AUTS2: variants seen among roughly 807,000 people sequenced by gnomAD.
The protein encoded by AUTS2 is autism susceptibility gene 2 protein.
Under a neutral mutation model 112.4 loss-of-function variants are expected in AUTS2, and 17 were observed. The observed-to-expected ratio is 0.15, with a 90% CI of 0.10 to 0.23. AUTS2 has a LOEUF of 0.23. AUTS2 is among the 10% of genes least tolerant of loss of function. AUTS2 has a pLI of 1.00. For synonymous variants in AUTS2, 751 were observed against 702.7 expected (o/e 1.07, Z -1.09); for missense variants, 1,510 against 1,701.6 (o/e 0.89, Z 1.98).
Position 70,681,997 on chromosome 7 carries a change from A to T in AUTS2, c.691-16572A>T, listed in dbSNP as rs1232161071. On this transcript the variant is annotated intron_variant, in intron 5 of 18. Transcript: ENST00000342771. Reference sequence around the variant, plus strand: ...GTCCGTGGCTTTGGGGTTGTTCCCTACCAGTTTTATTGGGCAGGTTGTTAG... The same window carrying T: ...GTCCGTGGCTTTGGGGTTGTTCCCTTCCAGTTTTATTGGGCAGGTTGTTAG... Among the ~76,000 whole-genome samples, 3 of 152,150 alleles carry T rather than the reference A, an allele frequency of 2.0e-5. No individual in the cohort carries two copies. In the East Asian group the frequency reaches 5.8e-4, roughly 29 times the overall value.
chr7:69,827,152 C>A (rs1791285145), intron 1 of AUTS2, among the ~76,000 whole-genome samples: 1 of 152,118 alleles, frequency 6.6e-6, no homozygotes, highest in African/African-American at 2.4e-5. Context: ...TTGAAAAGAG[C>A]CACACCCAGG....
At chr7:69,957,252 A>G (rs1260122855) in intron 2 of AUTS2, among the ~76,000 whole-genome samples, 1 of 152,014 alleles carries the variant, frequency 6.6e-6, no homozygotes, top group African/African-American at 2.4e-5. Context: ...AACAGCAGGA[A>G]AATGACAGAG....
intron 5 of AUTS2, among the ~76,000 whole-genome samples, chr7:70,611,577 C>T (rs562967340): frequency 5.1e-4 from 77 of 152,300 alleles, no homozygotes; most frequent in African/African-American, 1.8e-3. Context: ...CAAACATAAT[C>T]CTAACTAATC....
At chr7:70,331,659 T>G (rs1585026530) in intron 4 of AUTS2, among the ~76,000 whole-genome samples, 1 of 152,130 alleles carries the variant, frequency 6.6e-6, no homozygotes, top group East Asian at 1.9e-4. Context: ...GCAAGGCTGG[T>G]TCAACATATG....
chr7:69,717,862 AC>A (rs1798703486), intron 1 of AUTS2, among the ~76,000 whole-genome samples: 1 of 152,066 alleles, frequency 6.6e-6, no homozygotes, highest in Non-Finnish European at 1.5e-5. Flanking sequence ...GAGTTCATCC[AC>A]CGTTTTACTC....
At chr7:70,610,574 GACCACAGGTGCACGCC>G (rs1470797444) in intron 5 of AUTS2, among the ~76,000 whole-genome samples, 1 of 151,416 alleles carries the variant, frequency 6.6e-6, no homozygotes, top group Admixed American at 6.6e-5. Context: ...TAGCTGGGAT[GACCACAGGTGCACGCC>G]ACTACACCTG....
At chr7:69,686,550 C>T (rs2129173772) in intron 1 of AUTS2, among the ~76,000 whole-genome samples, 1 of 152,168 alleles carries the variant, frequency 6.6e-6, no homozygotes, top group Non-Finnish European at 1.5e-5. Context: ...TAAGCAGTTT[C>T]AAAAAGTTGA....
chr7:69,818,910 T>A (rs1790872586), intron 1 of AUTS2, among the ~76,000 whole-genome samples: 1 of 152,242 alleles, frequency 6.6e-6, no homozygotes, highest in Admixed American at 6.5e-5. Context: ...GGGTTACCAC[T>A]TCAGTGCCTT....
intron 3 of AUTS2, among the ~76,000 whole-genome samples, chr7:70,122,310 C>T (rs1805723511): frequency 6.6e-6 from 1 of 152,082 alleles, no homozygotes; most frequent in Non-Finnish European, 1.5e-5. Flanking sequence ...ATTAATGCCA[C>T]TGAATTACAC....
chr7:69,607,641 A>G (rs1219206804), intron 1 of AUTS2, among the ~76,000 whole-genome samples: 2 of 152,214 alleles, frequency 1.3e-5, no homozygotes, highest in African/African-American at 4.8e-5. Flanking sequence ...GATCAACTAC[A>G]TACAAATATT....
chr7:70,000,793 ATGGCACCAGTTT>A (rs1484530392), intron 2 of AUTS2, among the ~76,000 whole-genome samples: 3 of 152,176 alleles, frequency 2.0e-5, no homozygotes, highest in African/African-American at 7.2e-5. Context: ...AGATTAGCAG[ATGGCACCAGTTT>A]TGGGCCATGG....
At chr7:70,671,781 C>T (rs1202374427) in intron 5 of AUTS2, among the ~76,000 whole-genome samples, 1 of 152,188 alleles carries the variant, frequency 6.6e-6, no homozygotes, top group African/African-American at 2.4e-5. Context: ...TGTCTCTTTG[C>T]GTTGTCAACC....
intron 6 of AUTS2, among the ~76,000 whole-genome samples, chr7:70,760,134 T>A (rs186117027): frequency 6.6e-6 from 1 of 151,720 alleles, no homozygotes; most frequent in South Asian, 2.1e-4. Context: ...GCCTCCCGAG[T>A]AGCTGGGACT....
At chr7:69,802,543 A>G (rs185923369) in intron 1 of AUTS2, among the ~76,000 whole-genome samples, 6 of 152,268 alleles carry the variant, frequency 3.9e-5, no homozygotes, top group Admixed American at 3.9e-4. Context: ...TTAGGTAATG[A>G]AATGTTATCT....
chr7:70,297,538 T>G (rs1788998932), intron 4 of AUTS2, among the ~76,000 whole-genome samples: 1 of 151,424 alleles, frequency 6.6e-6, no homozygotes, highest in Non-Finnish European at 1.5e-5. Context: ...CACGCCATTC[T>G]CCTGCCCCAG....
chr7:70,484,697 G>A (rs1388522882), intron 5 of AUTS2, among the ~76,000 whole-genome samples: 2 of 152,204 alleles, frequency 1.3e-5, no homozygotes, highest in Non-Finnish European at 1.5e-5. Flanking sequence ...CAGTGAGATT[G>A]TAGGTTTAGG....
chr7:70,622,473 C>T (rs1034619796), intron 5 of AUTS2, among the ~76,000 whole-genome samples: 1 of 152,140 alleles, frequency 6.6e-6, no homozygotes, highest in Non-Finnish European at 1.5e-5. Context: ...TACCCAGGCC[C>T]TTGGTTGTCC....
chr7:70,771,751 C>G, intron 11 of AUTS2, 107 bp downstream of exon 11: 1 of 960,200 alleles, frequency 1.0e-6, no homozygotes, highest in Non-Finnish European at 1.6e-6. Flanking sequence ...ACTCATTAAT[C>G]AGGTCCTAAG....
chr7:70,613,239 GTC>G (rs1305465261), intron 5 of AUTS2, among the ~76,000 whole-genome samples: 1 of 108,800 alleles, frequency 9.2e-6, no homozygotes, highest in Non-Finnish European at 1.9e-5. Flanking sequence ...ATGTGTGTGT[GTC>G]TGTGTGTGTG....
Sources: gnomAD v4.1 joint callset for allele counts (sites outside exome capture counted in the v4.1 genomes callset) on GRCh38, gnomAD v4.1.1 for gene constraint, MANE v1.5 for transcripts, NCBI Gene and HGNC (gene_info 2026-07-23, HGNC 2026-07-21) for gene names.